C1orf87: variants seen among roughly 807,000 people sequenced by gnomAD.
C1orf87 encodes the protein chromosome 1 open reading frame 87.
Under a neutral mutation model 60.5 loss-of-function variants are expected in C1orf87, and 58 were observed. The observed-to-expected ratio is 0.96, with a 90% CI of 0.78 to 1.19. C1orf87 has a LOEUF of 1.19. C1orf87 is among the 50% of genes most tolerant of loss of function. C1orf87 has a pLI of 0.00. For synonymous variants in C1orf87, 236 were observed against 227.4 expected (o/e 1.04, Z -0.34); for missense variants, 673 against 638.6 (o/e 1.05, Z -0.58).
chr1:60,039,511 G>C (rs926438244), intron 5 of C1orf87, among the ~76,000 whole-genome samples: 1 of 152,166 alleles, frequency 6.6e-6, no homozygotes, highest in African/African-American at 2.4e-5. Context: ...AAATTTCAAA[G>C]ATACTTCCCA....
rs141449817 is a variant in C1orf87, at chr1:60,038,066, T to G, written c.789A>C (p.Ala263=). The change falls in exon 6 of 12, where the codon GCA becomes GCC. Residue 263 remains alanine, a synonymous_variant. Transcript: ENST00000371201. ...EKLLWFLNSA[A]SDYPQQNKAA... is the part of the protein sequence containing the mutation. The stretch of plus-strand genomic sequence containing the variant: ...CTTTATTTTGCTGTGGATAATCTGA[T>G]GCTGCACTGTTTAAAAACCAGAGTA... The G allele has an allele frequency of 6.3e-7, 1 of 1,597,942 alleles. No individual in the cohort carries two copies. The highest frequency in any genetic ancestry group is 1.3e-5 in the African/African-American group (1 of 74,878).
chr1:60,006,270 T>C (rs1017626566), intron 9 of C1orf87, among the ~76,000 whole-genome samples: 5 of 152,080 alleles, frequency 3.3e-5, no homozygotes, highest in African/African-American at 9.7e-5. Context: ...ATCCTTGATT[T>C]TGATATCTGA....
In C1orf87 at chr1:59,990,613, ATG is replaced by A; in HGVS notation, c.*58_*59del. On this transcript the variant is annotated 3_prime_UTR_variant, in exon 12 of 12. Coordinates refer to ENST00000371201, the MANE Select transcript of C1orf87 (RefSeq NM_152377.3). ...CACTACACTTAGGCTGGGGAGAAAC[ATG>A]TGTCTGGGTAAAAAGGGAGATAAGG... 1 of 1,581,008 alleles carries A rather than the reference ATG, an allele frequency of 6.3e-7. No homozygotes were observed.
chr1:60,059,231 T>G (rs916898889), intron 2 of C1orf87, among the ~76,000 whole-genome samples: 5 of 152,182 alleles, frequency 3.3e-5, no homozygotes, highest in African/African-American at 1.2e-4. Flanking sequence ...CTCCTAGGCT[T>G]GTGTACCATC....
intron 3 of C1orf87, among the ~76,000 whole-genome samples, chr1:60,054,393 G>A (rs1409097844): frequency 2.6e-5 from 4 of 152,174 alleles, no homozygotes; most frequent in Non-Finnish European, 5.9e-5. Flanking sequence ...TTTCTCATAT[G>A]ACTAAAGACT....
intron 1 of C1orf87, among the ~76,000 whole-genome samples, chr1:60,073,204 G>T (rs1180625785): frequency 6.6e-6 from 1 of 152,172 alleles, no homozygotes; most frequent in African/African-American, 2.4e-5. Flanking sequence ...ACAGACTTTT[G>T]TTGTTATCAC....
At chr1:60,007,209 G>C (rs1645053131) in intron 9 of C1orf87, among the ~76,000 whole-genome samples, 1 of 152,054 alleles carries the variant, frequency 6.6e-6, no homozygotes, top group South Asian at 2.1e-4. Flanking sequence ...ACAGCACCCA[G>C]ACTCTTACAT....
At chr1:60,060,557 A>T (rs1376078545) in intron 2 of C1orf87, among the ~76,000 whole-genome samples, 6 of 152,190 alleles carry the variant, frequency 3.9e-5, no homozygotes, top group Admixed American at 3.9e-4. Context: ...AAGTTCAAAA[A>T]GTAAAGGTTT....
In C1orf87 at chr1:60,040,133, A is replaced by C; in HGVS notation, c.531T>G (p.Leu177=). The change falls in exon 5 of 12, where the codon CTT becomes CTG. Residue 177 remains leucine (L), a synonymous_variant. Coordinates refer to ENST00000371201, the MANE Select transcript of C1orf87 (RefSeq NM_152377.3). ...PSGTTNEDAF[L]LALVRRELKS... ...TGAGTTCTCTTCTGACCAGGGCAAG[A>C]AGAAAAGCGTCTTCATTTGTTGTCC... The C allele has an allele frequency of 6.2e-7, 1 of 1,614,016 alleles. No homozygotes were observed. Among genetic ancestry groups the C allele is most frequent in the Non-Finnish European group, 8.5e-7 (1 of 1,179,996 alleles).
At chr1:60,043,592 G>C (rs1181115271) in intron 3 of C1orf87, among the ~76,000 whole-genome samples, 1 of 152,090 alleles carries the variant, frequency 6.6e-6, no homozygotes, top group East Asian at 1.9e-4. Flanking sequence ...TCACCACGTT[G>C]GCCAGGATGG....
intron 3 of C1orf87, among the ~76,000 whole-genome samples, chr1:60,042,625 T>A (rs150670102): frequency 4.1e-5 from 6 of 147,060 alleles, no homozygotes. Context: ...AGGCACCACA[T>A]GGGTGTCCTG....
At chr1:60,055,743 T>C (rs893518760) in intron 2 of C1orf87, among the ~76,000 whole-genome samples, 1 of 152,212 alleles carries the variant, frequency 6.6e-6, no homozygotes, top group Non-Finnish European at 1.5e-5. Context: ...CTAAAGGTTA[T>C]CACATTTCTT....
intron 2 of C1orf87, among the ~76,000 whole-genome samples, chr1:60,057,913 G>A (rs1286862208): frequency 2.6e-5 from 4 of 152,146 alleles, no homozygotes; most frequent in South Asian, 2.1e-4. Context: ...ATTTGAGAGC[G>A]TGAATGGCAC....
chr1:60,057,948 T>C (rs1450527124), intron 2 of C1orf87, among the ~76,000 whole-genome samples: 1 of 152,274 alleles, frequency 6.6e-6, no homozygotes, highest in East Asian at 1.9e-4. Context: ...CTCACAGACA[T>C]GCAGAGAAGG....
rs907607696 is a variant in C1orf87, at chr1:60,040,977, C to T, written c.483+14G>A. The T allele has an allele frequency of 6.3e-7, 1 of 1,589,242 alleles. No homozygotes were observed. The highest frequency in any genetic ancestry group is 8.6e-7 in the Non-Finnish European group (1 of 1,165,446). ...CTACAATAGACACAACTCAACAACT[C>T]TTAGTATACACACCTCAGGTTGGTC... is the stretch of plus-strand genomic sequence containing the variant. On this transcript the variant is annotated intron_variant, in intron 4 of 11. Transcript: ENST00000371201.
At chr1:60,009,557 T>G (rs1645068298) in intron 9 of C1orf87, among the ~76,000 whole-genome samples, 1 of 151,994 alleles carries the variant, frequency 6.6e-6, no homozygotes, top group Non-Finnish European at 1.5e-5. Context: ...AAATTCCCTC[T>G]GCTTGAAATA....
intron 5 of C1orf87, 27 bp downstream of exon 5, chr1:60,039,890 A>G: frequency 6.3e-7 from 1 of 1,593,656 alleles, no homozygotes; most frequent in South Asian, 1.2e-5. Context: ...AAAGGAACCC[A>G]CACTTCCAAT....
intron 2 of C1orf87, among the ~76,000 whole-genome samples, chr1:60,063,062 G>T (rs1354720541): frequency 6.6e-6 from 1 of 151,978 alleles, no homozygotes; most frequent in Non-Finnish European, 1.5e-5. Flanking sequence ...CAGTGGAAAG[G>T]GCTTAATAGA....
At chr1:60,055,865 C>A (rs1314407123) in intron 2 of C1orf87, among the ~76,000 whole-genome samples, 2 of 151,596 alleles carry the variant, frequency 1.3e-5, no homozygotes, top group Non-Finnish European at 2.9e-5. Context: ...CTCCTGGGAG[C>A]CTTTCATTTA....
Sources: allele counts gnomAD v4.1 joint callset (sites outside exome capture counted in the v4.1 genomes callset), GRCh38; gene constraint gnomAD v4.1.1; transcripts MANE v1.5; gene names NCBI Gene and HGNC (gene_info 2026-07-23, HGNC 2026-07-21).